The following ZNF280B variants were observed in gnomAD, a reference collection of about 807,000 sequenced individuals.
ZNF280B encodes the protein zinc finger protein 280B.
ZNF280B carries 16 observed loss-of-function variants against 38.0 expected under a neutral mutation model. The ratio of observed to expected loss-of-function variants is 0.42; its 90% CI spans 0.28 to 0.64. The LOEUF (loss-of-function observed/expected upper bound fraction) is 0.64, where lower values mean the gene tolerates loss of function less well. ZNF280B is among the 30% of genes least tolerant of loss of function. The probability of loss-of-function intolerance (pLI) is 0.21; values close to 1 mark genes in which losing one functional copy is unlikely to be tolerated. For synonymous variants in ZNF280B, 253 were observed against 230.6 expected, an observed-to-expected ratio of 1.10 and a Z score of -0.88; for missense variants, 581 against 639.6, an observed-to-expected ratio of 0.91 and a Z score of 0.99.
At position 22,489,309 on chromosome 22, in the gene ZNF280B, G is replaced by C. The variant is rs781389869; in HGVS notation, c.90C>G (p.Leu30=). The part of the protein sequence containing the change: ...TKQVDDEDAE[L]IFVGVEHVNE... ...TTACATGTTCCACACCAACAAAGAT[G>C]AGCTCAGCATCTTCGTCATCTACTT... is the stretch of plus-strand genomic sequence containing the variant. Residue 30 remains leucine, a synonymous_variant, in exon 4 of 4, where the codon CTC becomes CTG. Transcript: ENST00000626650. 6.2e-7 allele frequency: 1 copy of C among 1,613,758 alleles called. No individual in the cohort carries two copies. Among genetic ancestry groups the C allele is most frequent in the Non-Finnish European group, 8.5e-7 (1 of 1,179,936 alleles).
rs1385971348 is a variant in ZNF280B at position 22,487,872 on chromosome 22, A to G, written c.1527T>C (p.Pro509=). 3.1e-6 allele frequency: 5 copies of G among 1,613,814 alleles called. No homozygotes were observed. The highest frequency in any genetic ancestry group is 4.2e-6 in the Non-Finnish European group (5 of 1,179,928). ...CTACATCCACTGATCCTGGCTGAAG[A>G]GGTTCCAGCGACACTTGAATAGTAA... ...TKVTIQVSLE[P]LQPGSVDVAS... Residue 509 remains proline (P), a synonymous_variant, in exon 4 of 4, where the codon CCT becomes CCC. Transcript: ENST00000626650.
intron 2 of ZNF280B, among the ~76,000 whole-genome samples, chr22:22,496,105 CTTTTTTTTTT>C (rs34586676): frequency 1.7e-5 from 2 of 114,696 alleles, no homozygotes; most frequent in Admixed American, 1.8e-4. Flanking sequence ...TGCGCCTGGC[CTTTTTTTTTT>C]TTTTTTTTTT....
At chr22:22,497,208 TAAAAAAAAAAAAAAAAAAAAAAAAA>T (rs71199486) in intron 2 of ZNF280B, among the ~76,000 whole-genome samples, 5 of 33,640 alleles carry the variant, frequency 1.5e-4, no homozygotes, top group East Asian at 1.8e-3. Flanking sequence ...TCTCCATCTT[TAAAAAAAAAAAAAAAAAAAAAAAAA>T]AAAAAAAAAA....
rs1449136669 is a variant in ZNF280B at position 22,494,159 on chromosome 22, T to A, written c.-165A>T. On this transcript the variant is annotated 5_prime_UTR_variant, in exon 3 of 4. The change abolishes an upstream ATG in the 5' untranslated region. Transcript: ENST00000626650. ...CACTAAGGAACCAAATCGTCCAGCA[T>A]CTTGATCTTGAACTTCCCAGCCTAA... 2 of 151,998 alleles carry A rather than the reference T, an allele frequency of 1.3e-5. No individual in the cohort carries two copies. The highest frequency in any genetic ancestry group is 4.8e-5 in the African/African-American group (2 of 41,406). The allele number at this position is 151,998 out of a possible 1,614,324, so 9.4% of individuals were successfully genotyped here.
At position 22,484,502 on chromosome 22, in the gene ZNF280B, C is replaced by A. The variant is rs920317007; in HGVS notation, c.*3265G>T. 6.6e-6 allele frequency: 1 copy of A among 152,122 alleles called. No homozygotes were observed. The highest frequency in any genetic ancestry group is 2.4e-5 in the African/African-American group (1 of 41,266). The allele number at this position is 152,122 out of a possible 1,614,324, so 9.4% of individuals were successfully genotyped here. On this transcript the variant is annotated 3_prime_UTR_variant, in exon 4 of 4. Coordinates refer to ENST00000626650, the MANE Select transcript of ZNF280B (RefSeq NM_080764.4). ...AACATTAATAAAATAATAAATTTCA[C>A]CTGAAAGAACAAGCGAGCAAAATAG...
At position 22,489,205 on chromosome 22, in the gene ZNF280B, G is replaced by A. The variant is rs777876839; in HGVS notation, c.194C>T (p.Thr65Ile). 3.1e-6 allele frequency: 5 copies of A among 1,613,752 alleles called. No individual in the cohort carries two copies. Among genetic ancestry groups the A allele is most frequent in the Admixed American group, 1.7e-5 (1 of 59,958 alleles). The stretch of plus-strand genomic sequence containing the variant: ...TTTTCTCCTTGACCATGAACCCGGG[G>A]TGACTCTGTTCAAAATGTTTGAAAC... ...PVVSNILNRV[T>I]PGSWSRRKKY... Residue 65 changes from threonine (T) to isoleucine (I), a missense_variant, in exon 4 of 4, where the codon ACC becomes ATC. Thr to Ile is a moderately conservative substitution (Grantham distance 89). Coordinates refer to ENST00000626650, the MANE Select transcript of ZNF280B (RefSeq NM_080764.4).
chr22:22,501,297 G>C (rs2061819729), intron 2 of ZNF280B, among the ~76,000 whole-genome samples: 1 of 151,864 alleles, frequency 6.6e-6, no homozygotes, highest in South Asian at 2.1e-4. Flanking sequence ...CGGCATGGTG[G>C]CTCACGTCTA....
intron 3 of ZNF280B, among the ~76,000 whole-genome samples, chr22:22,492,847 C>T (rs2051487): frequency 0.48 from 72,466 of 150,016 alleles, 19,822 homozygotes; most frequent in Non-Finnish European, 0.6. Context: ...GACCACGTCA[C>T]TGCACTCCAG....
At chr22:22,490,454 T>TC (rs2061570531) in intron 3 of ZNF280B, among the ~76,000 whole-genome samples, 1 of 151,964 alleles carries the variant, frequency 6.6e-6, no homozygotes, top group African/African-American at 2.4e-5. Flanking sequence ...CACACTAACC[T>TC]CCTTGCTATT....
intron 2 of ZNF280B, among the ~76,000 whole-genome samples, chr22:22,502,168 C>T (rs1434836055): frequency 6.6e-6 from 1 of 151,860 alleles, no homozygotes; most frequent in Non-Finnish European, 1.5e-5. Context: ...TTGAACACTT[C>T]TCCAAAGATA....
chr22:22,489,489 A>C, intron 3 of ZNF280B, 23 bp from the exon 4 acceptor site: 2 of 1,135,800 alleles, frequency 1.8e-6, no homozygotes, highest in East Asian at 4.8e-5. Context: ...ATACATCAGT[A>C]AGTACAGGAA....
At chr22:22,501,030 A>C (rs1414428782) in intron 2 of ZNF280B, among the ~76,000 whole-genome samples, 1 of 150,228 alleles carries the variant, frequency 6.7e-6, no homozygotes, top group Admixed American at 6.7e-5. Context: ...AAAAAAAAAA[A>C]AAAAAAAAAA....
At chr22:22,506,343 C>T (rs1171837427) in intron 2 of ZNF280B, among the ~76,000 whole-genome samples, 2 of 151,482 alleles carry the variant, frequency 1.3e-5, no homozygotes, top group African/African-American at 4.9e-5. Flanking sequence ...CACAGCCATT[C>T]AGGTGGGAGG....
Position 22,487,507 on chromosome 22 carries a change from T to TTC in ZNF280B, c.*258_*259dup, listed in dbSNP as rs893984101. Reference sequence around the variant, plus strand: ...ATTAAAAAAATAAATTAATACCTTTTTCTCTCTCTCACACACACACACAAA... The same window carrying TTC: ...ATTAAAAAAATAAATTAATACCTTTTTCTCTCTCTCTCACACACACACACAAA... On this transcript the variant is annotated 3_prime_UTR_variant, in exon 4 of 4. Transcript: ENST00000626650. 4 of 307,164 alleles carry TTC rather than the reference T, an allele frequency of 1.3e-5. No homozygotes were observed. The highest frequency in any genetic ancestry group is 5.2e-5 in the Admixed American group (1 of 19,290). 19.0% of individuals were successfully genotyped at this position (307,164 alleles called of 1,614,324 possible).
chr22:22,486,337 A>G lies in ZNF280B; in HGVS notation c.*1430T>C, dbSNP rs1281351136. The G allele has an allele frequency of 1.4e-5, 2 of 147,374 alleles. No individual in the cohort carries two copies. The highest frequency in any genetic ancestry group is 2.9e-5 in the Non-Finnish European group (2 of 67,990). 9.1% of individuals were successfully genotyped at this position (147,374 alleles called of 1,614,324 possible). On this transcript the variant is annotated 3_prime_UTR_variant, in exon 4 of 4. Coordinates refer to ENST00000626650, the MANE Select transcript of ZNF280B (RefSeq NM_080764.4). ...GTCCACTGTACCTACTGTTGTTGGG[A>G]CAGTCCTCATTCCAGCTTAACAGTG...
intron 2 of ZNF280B, among the ~76,000 whole-genome samples, chr22:22,506,114 C>G (rs1461381023): frequency 2.6e-5 from 4 of 151,762 alleles, no homozygotes; most frequent in Non-Finnish European, 5.9e-5. Context: ...AGAGGTAATG[C>G]TGAGCAGGTA....
intron 3 of ZNF280B, among the ~76,000 whole-genome samples, chr22:22,492,777 T>A (rs569859349): frequency 6.6e-6 from 1 of 151,184 alleles, no homozygotes; most frequent in Non-Finnish European, 1.5e-5. Flanking sequence ...TCCCAGCTAC[T>A]TGGGAGGCTG....
intron 2 of ZNF280B, among the ~76,000 whole-genome samples, chr22:22,507,209 G>A (rs562007874): frequency 1.3e-5 from 2 of 152,018 alleles, no homozygotes; most frequent in East Asian, 3.9e-4. Flanking sequence ...TCCAGCCAAG[G>A]GTTTCACTGA....
Position 22,487,140 on chromosome 22 carries a change from A to C in ZNF280B, c.*627T>G, listed in dbSNP as rs778019626. 6.6e-6 allele frequency: 1 copy of C among 151,904 alleles called. No homozygotes were observed. The highest frequency in any genetic ancestry group is 1.5e-5 in the Non-Finnish European group (1 of 67,994). 9.4% of individuals were successfully genotyped at this position (151,904 alleles called of 1,614,324 possible). On this transcript the variant is annotated 3_prime_UTR_variant, in exon 4 of 4. Coordinates refer to ENST00000626650, the MANE Select transcript of ZNF280B (RefSeq NM_080764.4). The stretch of plus-strand genomic sequence containing the variant: ...AGCTTTCAAGCTTAGGAGTAACATG[A>C]AATACCAAAACAATAAATAGGTGCC...
Sources: allele counts gnomAD v4.1 joint callset (sites outside exome capture counted in the v4.1 genomes callset), GRCh38; gene constraint gnomAD v4.1.1; transcripts MANE v1.5; gene names NCBI Gene and HGNC (gene_info 2026-07-23, HGNC 2026-07-21).